The following KIRREL1 variants were observed in gnomAD, a reference collection of about 807,000 sequenced individuals.
The protein encoded by KIRREL1 is kin of IRRE-like protein 1.
KIRREL1 carries 25 observed loss-of-function variants against 83.3 expected under a neutral mutation model. The ratio of observed to expected loss-of-function variants is 0.30; its 90% CI spans 0.22 to 0.42. KIRREL1 has a LOEUF of 0.42. Ranked by LOEUF, KIRREL1 falls within the 10% of genes least tolerant of loss-of-function variation. KIRREL1 has a pLI of 1.00. For synonymous variants in KIRREL1, 388 were observed against 410.4 expected (o/e 0.95, Z 0.66); for missense variants, 812 against 1,032.3 (o/e 0.79, Z 2.92).
chr1:158,073,121 T>A (rs891856296), intron 1 of KIRREL1, among the ~76,000 whole-genome samples: 1 of 152,164 alleles, frequency 6.6e-6, no homozygotes, highest in African/African-American at 2.4e-5. Context: ...CTGCAGGGGC[T>A]GTTTTGGGAC....
intron 1 of KIRREL1, among the ~76,000 whole-genome samples, chr1:158,010,393 G>GCAAACA (rs1196299743): frequency 8.0e-5 from 1 of 12,570 alleles, no homozygotes. Flanking sequence ...TCACACACAT[G>GCAAACA]CATACACACA....
rs1285158299 is a variant in KIRREL1 at position 158,098,725 on chromosome 1, A to AGGAGT, written c.*3606_*3607insGAGTG. ...AGAAAGGAAAGGGGCCAGGGATGGGAGCAGTGCTGTGCTGTTATCACTGTC... is the reference window on the plus strand; with the variant it reads ...AGAAAGGAAAGGGGCCAGGGATGGGAGGAGTGCAGTGCTGTGCTGTTATCACTGTC... On this transcript the variant is annotated 3_prime_UTR_variant, in exon 15 of 15. Transcript: ENST00000359209. 6.6e-6 allele frequency: 1 copy of AGGAGT among 152,284 alleles called. No homozygotes were observed. Among genetic ancestry groups the AGGAGT allele is most frequent in the Non-Finnish European group, 1.5e-5 (1 of 68,088 alleles). 9.4% of individuals were successfully genotyped at this position (152,284 alleles called of 1,614,324 possible).
intron 1 of KIRREL1, among the ~76,000 whole-genome samples, chr1:158,052,522 G>A (rs912819415): frequency 1.3e-5 from 2 of 152,000 alleles, no homozygotes; most frequent in African/African-American, 2.4e-5. Flanking sequence ...GCTCACGCCT[G>A]TAATCCCAGC....
At chr1:158,065,316 C>G (rs1661329388) in intron 1 of KIRREL1, among the ~76,000 whole-genome samples, 1 of 152,216 alleles carries the variant, frequency 6.6e-6, no homozygotes, top group African/African-American at 2.4e-5. Flanking sequence ...CTTAGAAGCT[C>G]TGTTGGTAAC....
chr1:158,088,547 C>G (rs550314917), intron 8 of KIRREL1, 93 bp downstream of exon 8: 15 of 1,116,314 alleles, frequency 1.3e-5, no homozygotes, highest in Admixed American at 3.2e-5. Context: ...TGCAGTGGCG[C>G]GATCTCGGCT....
chr1:158,097,215 C>T lies in KIRREL1; in HGVS notation c.*2095C>T. The T allele has an allele frequency of 2.8e-6, 1 of 354,084 alleles. No individual in the cohort carries two copies. Among genetic ancestry groups the T allele is most frequent in the Non-Finnish European group, 5.5e-6 (1 of 181,298 alleles). The allele number at this position is 354,084 out of a possible 1,614,324, so 21.9% of individuals were successfully genotyped here. On this transcript the variant is annotated 3_prime_UTR_variant, in exon 15 of 15. Transcript: ENST00000359209. ...GAAGGTCTGTCAAGAAATTCAGGTT[C>T]TTGTACAGACAAATTCATGCAAATT...
chr1:158,077,340 A>C (rs1209904707), intron 2 of KIRREL1, among the ~76,000 whole-genome samples: 1 of 152,194 alleles, frequency 6.6e-6, no homozygotes, highest in African/African-American at 2.4e-5. Context: ...AGAAGAATCG[A>C]TAGCCTCTGG....
Position 158,094,294 on chromosome 1 carries a change from C to A in KIRREL1, c.1720-19C>A. ...GCAGGGCTTCCGTCTGCTGACGTCC[C>A]ACTCCTGCTGCTCCACAGTCGTTTA... On this transcript the variant is annotated intron_variant, in intron 13 of 14. Transcript: ENST00000359209. The surrounding 1 kb of genome is among the most constrained non-coding windows in gnomAD (Gnocchi z 4.6). 1 of 1,591,294 alleles carries A rather than the reference C, an allele frequency of 6.3e-7. No homozygotes were observed. Among genetic ancestry groups the A allele is most frequent in the Non-Finnish European group, 8.5e-7 (1 of 1,169,704 alleles).
intron 1 of KIRREL1, among the ~76,000 whole-genome samples, chr1:158,051,829 T>C (rs542893797): frequency 5.3e-5 from 8 of 152,356 alleles, no homozygotes; most frequent in Non-Finnish European, 1.0e-4. Flanking sequence ...CCAGGATTCC[T>C]GTAAATGCCT....
intron 2 of KIRREL1, 82 bp from the exon 3 acceptor site, chr1:158,077,899 CCAGGAGAGGG>C: frequency 7.0e-7 from 1 of 1,424,832 alleles, no homozygotes; most frequent in Non-Finnish European, 9.8e-7. Flanking sequence ...CAGTGGTGTC[CCAGGAGAGGG>C]CAGAGGGAGG....
At chr1:157,997,466 G>GGGGTGT (rs1427771514) in intron 1 of KIRREL1, among the ~76,000 whole-genome samples, 2 of 101,708 alleles carry the variant, frequency 2.0e-5, no homozygotes, top group African/African-American at 5.6e-5. Flanking sequence ...GATTCTTTGT[G>GGGGTGT]GGGTGTGTGT....
Position 158,093,756 on chromosome 1 carries a change from C to A in KIRREL1, c.1713C>A (p.Ile571=). ...CAGCAACCCGGGTCATGAAGGCCATCTACTCGGTGAGGGTCCTGCTCCTCT... is the reference window on the plus strand; with the variant it reads ...CAGCAACCCGGGTCATGAAGGCCATATACTCGGTGAGGGTCCTGCTCCTCT... ...VSTATRVMKA[I]YSSFKDDVDL... is the part of the protein sequence containing the mutation. The change falls in exon 13 of 15, where the codon ATC becomes ATA. Residue 571 remains isoleucine, a synonymous_variant. Coordinates refer to ENST00000359209, the MANE Select transcript of KIRREL1 (RefSeq NM_018240.7). 6.2e-7 allele frequency: 1 copy of A among 1,614,156 alleles called. No homozygotes were observed.
intron 1 of KIRREL1, among the ~76,000 whole-genome samples, chr1:158,002,351 C>T (rs1310663276): frequency 1.3e-5 from 2 of 152,194 alleles, no homozygotes; most frequent in Non-Finnish European, 2.9e-5. Context: ...AGGGCCCATC[C>T]GGGTTTAGTC....
chr1:158,021,264 C>G (rs1433907140), intron 1 of KIRREL1, among the ~76,000 whole-genome samples: 2 of 151,974 alleles, frequency 1.3e-5, no homozygotes, highest in African/African-American at 4.8e-5. Flanking sequence ...TTCTGGTGAC[C>G]CGGAGAGATT....
At chr1:158,005,223 G>T (rs148686314) in intron 1 of KIRREL1, among the ~76,000 whole-genome samples, 4 of 152,154 alleles carry the variant, frequency 2.6e-5, no homozygotes, top group African/African-American at 9.7e-5. Context: ...AGAATCAAAA[G>T]AAAATAGAAT....
At chr1:158,055,546 G>A (rs12121552) in intron 1 of KIRREL1, among the ~76,000 whole-genome samples, 6,596 of 152,278 alleles carry the variant, frequency 0.043, 211 homozygotes, top group Non-Finnish European at 0.06. Context: ...TGCCCTGGCC[G>A]ATGTCCAAGT....
chr1:158,006,872 A>G lies in KIRREL1; in HGVS notation c.52+13144A>G, dbSNP rs75240280. Among the ~76,000 whole-genome samples the G allele has an allele frequency of 3.0e-3, 464 of 152,360 alleles. 2 individuals carry two copies. The highest frequency in any genetic ancestry group is 0.01 in the African/African-American group (424 of 41,592). On this transcript the variant is annotated intron_variant, in intron 1 of 14. Transcript: ENST00000359209. Reference sequence around the variant, plus strand: ...GATGGCAGAGGTGGGCCTGCCTCACAGCCAGGGCCAGTTTTAGCTTAGGAG... The same window carrying G: ...GATGGCAGAGGTGGGCCTGCCTCACGGCCAGGGCCAGTTTTAGCTTAGGAG...
rs576895577 is a variant in KIRREL1 at position 158,052,565 on chromosome 1, G to A, written c.53-23548G>A. Among the ~76,000 whole-genome samples, 38 of 151,718 alleles carry A rather than the reference G, an allele frequency of 2.5e-4. No individual in the cohort carries two copies. The East Asian group carries it at 4.7e-3, about 19-fold the overall frequency. On this transcript the variant is annotated intron_variant, in intron 1 of 14. Coordinates refer to ENST00000359209, the MANE Select transcript of KIRREL1 (RefSeq NM_018240.7). ...GAGGCCAAGGCAGGTGGATCACGAC[G>A]TCAGGAGATCGAGACCATCCTGGCT... is the stretch of plus-strand genomic sequence containing the variant.
rs528306776 is a variant in KIRREL1 at position 158,063,525 on chromosome 1, A to G, written c.53-12588A>G. Among the ~76,000 whole-genome samples the G allele has an allele frequency of 9.8e-5, 15 of 152,298 alleles. No individual in the cohort carries two copies. In the East Asian group the frequency reaches 2.9e-3, roughly 29 times the overall value. ...GGTAGTCTTTCAGCACTTATTTGTT[A>G]ACTAATTTGTCTCCCTTGATAGAAT... is the stretch of plus-strand genomic sequence containing the variant. On this transcript the variant is annotated intron_variant, in intron 1 of 14. Transcript: ENST00000359209.
Sources: allele counts gnomAD v4.1 joint callset (sites outside exome capture counted in the v4.1 genomes callset), GRCh38; gene constraint gnomAD v4.1.1; non-coding constraint Gnocchi (gnomAD v3.1); transcripts MANE v1.5; gene names NCBI Gene and HGNC (gene_info 2026-07-23, HGNC 2026-07-21).